Variants in RTKN2 observed in about 807,000 individuals in gnomAD.
RTKN2 encodes rhotekin-2.
RTKN2 carries 69 observed loss-of-function variants against 71.5 expected under a neutral mutation model. The observed-to-expected ratio is 0.96, with a 90% CI of 0.79 to 1.18. RTKN2 has a LOEUF of 1.18. RTKN2 is among the 50% of genes most tolerant of loss of function. The pLI, the probability that RTKN2 is intolerant of heterozygous loss-of-function variation, is 0.00. For missense variants in RTKN2, 724 were observed against 719.7 expected, an observed-to-expected ratio of 1.01 and a Z score of -0.07; for synonymous variants, 236 against 236.5, an observed-to-expected ratio of 1.00 and a Z score of 0.02.
intron 6 of RTKN2, among the ~76,000 whole-genome samples, chr10:62,223,676 CAT>C (rs1438297909): frequency 6.6e-6 from 1 of 152,140 alleles, no homozygotes; most frequent in African/African-American, 2.4e-5. Context: ...AACAGTAACA[CAT>C]GTTAGCTGGT....
chr10:62,241,120 T>C (rs766406906), intron 4 of RTKN2, 22 bp downstream of exon 4: 4 of 1,404,718 alleles, frequency 2.8e-6, no homozygotes, highest in Non-Finnish European at 4.0e-6. Flanking sequence ...ACATTTCAAT[T>C]ACAAATTAAA....
intron 6 of RTKN2, among the ~76,000 whole-genome samples, chr10:62,225,788 T>TC (rs1322987132): frequency 2.1e-4 from 31 of 151,118 alleles, no homozygotes; most frequent in Middle Eastern, 3.4e-3. Flanking sequence ...TCTTTTCTTT[T>TC]TTTTTTTTTT....
chr10:62,235,572 T>C (rs538494944), intron 6 of RTKN2, among the ~76,000 whole-genome samples: 14 of 152,208 alleles, frequency 9.2e-5, no homozygotes, highest in Non-Finnish European at 1.5e-5. Context: ...TGACTTCATG[T>C]GATGTTTGAA....
chr10:62,194,475 C>A lies in RTKN2; in HGVS notation c.*3433G>T. 2 of 978,932 alleles carry A rather than the reference C, an allele frequency of 2.0e-6. No individual in the cohort carries two copies. Among genetic ancestry groups the A allele is most frequent in the Non-Finnish European group, 2.4e-6 (2 of 824,106 alleles). The allele number at this position is 978,932 out of a possible 1,614,324, so 60.6% of individuals were successfully genotyped here. A position where few individuals can be genotyped will look rare whatever the true frequency, so the allele number is the denominator to read the frequency against. ...CATCAGTTAAAGTTTAATTACTATT[C>A]AATAATTCACTCTTTAACAAGAAAA... On this transcript the variant is annotated 3_prime_UTR_variant, in exon 12 of 12. Transcript: ENST00000373789.
In RTKN2 at chr10:62,194,669, T is replaced by G; in HGVS notation, c.*3239A>C. 2 of 985,416 alleles carry G rather than the reference T, an allele frequency of 2.0e-6. No homozygotes were observed. Among genetic ancestry groups the G allele is most frequent in the Non-Finnish European group, 2.4e-6 (2 of 829,890 alleles). The allele number at this position is 985,416 out of a possible 1,614,324, so 61.0% of individuals were successfully genotyped here. A position where few individuals can be genotyped will look rare whatever the true frequency, so the allele number is the denominator to read the frequency against. ...TAACATAAATTGCACCAAACTGCCC[T>G]ATAATTTCATTTTGGACTGAATTAA... On this transcript the variant is annotated 3_prime_UTR_variant, in exon 12 of 12. Coordinates refer to ENST00000373789, the MANE Select transcript of RTKN2 (RefSeq NM_145307.4).
At chr10:62,259,347 T>G in intron 2 of RTKN2, 1 of 267,938 alleles carries the variant, frequency 3.7e-6, no homozygotes, top group South Asian at 3.1e-5. Context: ...TCTCCATTTT[T>G]AATGTGATAT....
At chr10:62,260,729 C>T (rs933793004) in intron 2 of RTKN2, among the ~76,000 whole-genome samples, 5 of 151,848 alleles carry the variant, frequency 3.3e-5, no homozygotes, top group Non-Finnish European at 2.9e-5. Context: ...GCCACACTGC[C>T]GAATTTAAGA....
intron 8 of RTKN2, chr10:62,184,392 A>T (rs1369088597): frequency 6.6e-7 from 1 of 1,519,972 alleles, no homozygotes; most frequent in Non-Finnish European, 8.9e-7. Flanking sequence ...ATTATTCTGA[A>T]AAACAAAAAA....
intron 8 of RTKN2, 148 bp from the exon 9 acceptor site, chr10:62,217,397 T>G (rs1841797004): frequency 3.4e-6 from 2 of 589,516 alleles, no homozygotes; most frequent in Non-Finnish European, 5.4e-6. Context: ...TACAAAAGGT[T>G]AATTGCCCCA....
chr10:62,247,450 C>G lies in RTKN2; in HGVS notation c.258-1393G>C, dbSNP rs1842500144. 2.0e-5 allele frequency among the ~76,000 whole-genome samples: 3 copies of G among 151,912 alleles called. No individual in the cohort carries two copies. In the South Asian group the frequency reaches 6.2e-4, roughly 32 times the overall value. Reference sequence around the variant, plus strand: ...TAAAATAATGCAGTATATTTAAAGCCATATATTCTCAGAATTCTACCTAAT... The same window carrying G: ...TAAAATAATGCAGTATATTTAAAGCGATATATTCTCAGAATTCTACCTAAT... On this transcript the variant is annotated intron_variant, in intron 2 of 11. Coordinates refer to ENST00000373789, the MANE Select transcript of RTKN2 (RefSeq NM_145307.4).
At chr10:62,249,703 T>A (rs983205094) in intron 2 of RTKN2, among the ~76,000 whole-genome samples, 4 of 152,230 alleles carry the variant, frequency 2.6e-5, no homozygotes, top group Non-Finnish European at 5.9e-5. Context: ...AACCTCAGCA[T>A]CTTTATCTGT....
chr10:62,237,682 G>T (rs920274266), intron 5 of RTKN2, among the ~76,000 whole-genome samples: 1 of 151,488 alleles, frequency 6.6e-6, no homozygotes, highest in Non-Finnish European at 1.5e-5. Flanking sequence ...TAGTGCACTC[G>T]TCACTGTGTC....
Position 62,268,574 on chromosome 10 carries a change from G to T in RTKN2, c.37C>A (p.Leu13Met). The T allele has an allele frequency of 6.4e-7, 1 of 1,566,184 alleles. No individual in the cohort carries two copies. The highest frequency in any genetic ancestry group is 1.2e-5 in the South Asian group (1 of 84,992). The change falls in exon 1 of 12, where the codon CTG (leucine) becomes ATG (methionine). Residue 13 changes from leucine to methionine, a missense_variant. Coordinates refer to ENST00000373789, the MANE Select transcript of RTKN2 (RefSeq NM_145307.4). ...GPSLRGPALR[L>M]AGLPTQQDCN... ...ACCTGCTGGGTGGGAAGCCCCGCCA[G>T]GCGGAGCGCAGGACCCCTCAGGCTC...
chr10:62,201,929 G>A (rs563940853), intron 10 of RTKN2, among the ~76,000 whole-genome samples: 2 of 152,130 alleles, frequency 1.3e-5, no homozygotes, highest in South Asian at 2.1e-4. Flanking sequence ...GGTATGTTTT[G>A]TTCACATAAC....
rs758886951 is a variant in RTKN2, at chr10:62,199,812, T to A, written c.1236A>T (p.Ser412=). 6.2e-6 allele frequency: 10 copies of A among 1,613,772 alleles called. No homozygotes were observed. The highest frequency in any genetic ancestry group is 7.6e-6 in the Non-Finnish European group (9 of 1,179,766). The change falls in exon 11 of 12, where the codon TCA becomes TCT. Residue 412 remains serine (S), a synonymous_variant. Transcript: ENST00000373789. ...TCAAGAACAAAGGTGGTTTCCGTGGTGACATAATCTCAATTTTCATAAGTT... is the reference window on the plus strand; with the variant it reads ...TCAAGAACAAAGGTGGTTTCCGTGGAGACATAATCTCAATTTTCATAAGTT... The part of the protein sequence containing the change: ...CEELMKIEIM[S]PRKPPLFLTK...
At position 62,194,010 on chromosome 10, in the gene RTKN2, G is replaced by T. The variant is rs976829056; in HGVS notation, c.*3898C>A. 2 of 984,746 alleles carry T rather than the reference G, an allele frequency of 2.0e-6. No individual in the cohort carries two copies. The highest frequency in any genetic ancestry group is 3.5e-5 in the African/African-American group (2 of 57,188). The allele number at this position is 984,746 out of a possible 1,614,324, so 61.0% of individuals were successfully genotyped here. A position where few individuals can be genotyped will look rare whatever the true frequency, so the allele number is the denominator to read the frequency against. ...AGTTAGAAAACGTCTTCATGAATCAGTTCTTTTAATGTACAGAAGTTTCAA... is the reference window on the plus strand; with the variant it reads ...AGTTAGAAAACGTCTTCATGAATCATTTCTTTTAATGTACAGAAGTTTCAA... On this transcript the variant is annotated 3_prime_UTR_variant, in exon 12 of 12. Coordinates refer to ENST00000373789, the MANE Select transcript of RTKN2 (RefSeq NM_145307.4).
Position 62,217,103 on chromosome 10 carries a change from T to C in RTKN2, c.1020+15A>G. 6.5e-7 allele frequency: 1 copy of C among 1,546,822 alleles called. No individual in the cohort carries two copies. Among genetic ancestry groups the C allele is most frequent in the Non-Finnish European group, 8.7e-7 (1 of 1,151,926 alleles). On this transcript the variant is annotated intron_variant, in intron 9 of 11. Coordinates refer to ENST00000373789, the MANE Select transcript of RTKN2 (RefSeq NM_145307.4). The stretch of plus-strand genomic sequence containing the variant: ...TAAGATGTATATTTTTTTCTCAAAA[T>C]AGCATTTCCTTTACCTTGTTAATGG...
intron 4 of RTKN2, among the ~76,000 whole-genome samples, chr10:62,240,537 T>A (rs956328423): frequency 1.2e-4 from 19 of 152,190 alleles, no homozygotes; most frequent in Non-Finnish European, 2.5e-4. Context: ...GTGCTTAATA[T>A]GATTCAGTTT....
At chr10:62,254,371 A>C (rs978187731) in intron 2 of RTKN2, among the ~76,000 whole-genome samples, 1 of 151,842 alleles carries the variant, frequency 6.6e-6, no homozygotes, top group African/African-American at 2.4e-5. Flanking sequence ...CTTTCCCTTC[A>C]CCCTTTTGCC....
Sources: gnomAD v4.1 joint callset for allele counts (sites outside exome capture counted in the v4.1 genomes callset) on GRCh38, gnomAD v4.1.1 for gene constraint, MANE v1.5 for transcripts, NCBI Gene and HGNC (gene_info 2026-07-23, HGNC 2026-07-21) for gene names.